The following TGFB3 variants were observed in gnomAD, a reference collection of about 807,000 sequenced individuals.
The protein encoded by TGFB3 is transforming growth factor beta-3 proprotein.
TGFB3 carries 5 observed loss-of-function variants against 40.1 expected under a neutral mutation model. The observed-to-expected ratio is 0.12, with a 90% CI of 0.07 to 0.26. The LOEUF is 0.26. Among genes scored for constraint, TGFB3 ranks in the 10% least tolerant of loss-of-function variants. The pLI is 1.00. For missense variants in TGFB3, 373 were observed against 530.1 expected, an observed-to-expected ratio of 0.70 and a Z score of 2.91; for synonymous variants, 184 against 205.6, an observed-to-expected ratio of 0.89 and a Z score of 0.90.
chr14:75,968,594 A>C (rs895977683), intron 3 of TGFB3, among the ~76,000 whole-genome samples: 1 of 152,172 alleles, frequency 6.6e-6, no homozygotes, highest in Non-Finnish European at 1.5e-5. Context: ...AAGTTAAGAG[A>C]TTAATTTCCC....
At position 75,979,678 on chromosome 14, in the gene TGFB3, G is replaced by A. The variant is rs182386003; in HGVS notation, c.352+864C>T. ...CCATGCAGACAGAGCCTCCTGGGAC[G>A]GCAGGCTCCCAGACATATCCCCCCC... On this transcript the variant is annotated intron_variant, in intron 1 of 6. Transcript: ENST00000238682. This position sits in a 1 kb window ranked among gnomAD's most constrained non-coding sequence, Gnocchi z 4.8. Among the ~76,000 whole-genome samples, 1,625 of 151,652 alleles carry A rather than the reference G, an allele frequency of 0.011. 24 individuals carry two copies. The highest frequency in any genetic ancestry group is 0.018 in the Non-Finnish European group (1,190 of 67,810).
At chr14:75,970,018 TA>T (rs1478232504) in intron 3 of TGFB3, among the ~76,000 whole-genome samples, 2 of 152,194 alleles carry the variant, frequency 1.3e-5, no homozygotes, top group African/African-American at 4.8e-5. Context: ...AGGGATCTTT[TA>T]AAGATGTCAA....
intron 6 of TGFB3, among the ~76,000 whole-genome samples, chr14:75,959,680 A>C (rs1225712748): frequency 6.6e-6 from 1 of 151,802 alleles, no homozygotes; most frequent in African/African-American, 2.4e-5. Flanking sequence ...CTGAGGTGGG[A>C]GGATCACCTG....
In TGFB3 at chr14:75,978,008, TC is replaced by T. The variant is rs2035375468; in HGVS notation, c.352+2533del. ...GAAAAGGTTATTTAGGAAAAGGCCTTCCTCTCTGCTCTCACCTTGGTGCCCT... is the reference window on the plus strand; with the variant it reads ...GAAAAGGTTATTTAGGAAAAGGCCTTCTCTCTGCTCTCACCTTGGTGCCCT... On this transcript the variant is annotated intron_variant, in intron 1 of 6. Transcript: ENST00000238682. This position sits in a 1 kb window ranked among gnomAD's most constrained non-coding sequence, Gnocchi z 5.0. Among the ~76,000 whole-genome samples the T allele has an allele frequency of 6.6e-6, 1 of 152,060 alleles. No individual in the cohort carries two copies. Among genetic ancestry groups the T allele is most frequent in the Non-Finnish European group, 1.5e-5 (1 of 68,012 alleles).
rs1167985592 is a variant in TGFB3 at position 75,958,893 on chromosome 14, T to C, written c.*294A>G. The C allele has an allele frequency of 2.4e-6, 1 of 410,006 alleles. No individual in the cohort carries two copies. Among genetic ancestry groups the C allele is most frequent in the Non-Finnish European group, 4.6e-6 (1 of 216,598 alleles). 25.4% of individuals were successfully genotyped at this position (410,006 alleles called of 1,614,324 possible). A position where few individuals can be genotyped will look rare whatever the true frequency, so the allele number is the denominator to read the frequency against. ...TCCCATTGCCACACAACATCTCAAC[T>C]TACCATCCCTTTCCTCTATCCCCAT... On this transcript the variant is annotated 3_prime_UTR_variant, in exon 7 of 7. Coordinates refer to ENST00000238682, the MANE Select transcript of TGFB3 (RefSeq NM_003239.5).
In TGFB3 at chr14:75,979,545, TTC is replaced by T. The variant is rs939630596; in HGVS notation, c.352+995_352+996del. ...GTCAGTTTCTCAACATCTGCCAAATTTCTCTCTCTTGTATTGAGGTTTTTAAA... is the reference window on the plus strand; with the variant it reads ...GTCAGTTTCTCAACATCTGCCAAATTTCTCTCTTGTATTGAGGTTTTTAAA... On this transcript the variant is annotated intron_variant, in intron 1 of 6. Transcript: ENST00000238682. This position sits in a 1 kb window ranked among gnomAD's most constrained non-coding sequence, Gnocchi z 4.8. Among the ~76,000 whole-genome samples, 16 of 152,168 alleles carry T rather than the reference TTC, an allele frequency of 1.1e-4. No homozygotes were observed. Among genetic ancestry groups the T allele is most frequent in the Non-Finnish European group, 2.1e-4 (14 of 68,030 alleles).
rs144019881 is a variant in TGFB3, at chr14:75,979,035, T to C, written c.352+1507A>G. 6.6e-6 allele frequency among the ~76,000 whole-genome samples: 1 copy of C among 152,300 alleles called. No homozygotes were observed. The highest frequency in any genetic ancestry group is 1.5e-5 in the Non-Finnish European group (1 of 68,006). On this transcript the variant is annotated intron_variant, in intron 1 of 6. Transcript: ENST00000238682. This position sits in a 1 kb window ranked among gnomAD's most constrained non-coding sequence, Gnocchi z 4.8. ...TGGCCATCGAGCTGCTAGGTGCCTCTGGGAACTGTGGGTCTCTGAGCCAGC... is the reference window on the plus strand; with the variant it reads ...TGGCCATCGAGCTGCTAGGTGCCTCCGGGAACTGTGGGTCTCTGAGCCAGC...
rs3917166 is a variant in TGFB3, at chr14:75,975,967, T to C, written c.353-4249A>G. The stretch of plus-strand genomic sequence containing the variant: ...ATTAAATCTTGAGCAACTTTTTCCA[T>C]TGCACAGAAAAAATATATATTGGTG... On this transcript the variant is annotated intron_variant, in intron 1 of 6. Coordinates refer to ENST00000238682, the MANE Select transcript of TGFB3 (RefSeq NM_003239.5). Among the ~76,000 whole-genome samples the C allele has an allele frequency of 1.1e-3, 163 of 152,348 alleles. 3 individuals carry two copies. In the South Asian group the frequency reaches 0.02, roughly 19 times the overall value.
chr14:75,978,695 C>T lies in TGFB3; in HGVS notation c.352+1847G>A, dbSNP rs932295938. On this transcript the variant is annotated intron_variant, in intron 1 of 6. Transcript: ENST00000238682. The surrounding 1 kb of genome is among the most constrained non-coding windows in gnomAD (Gnocchi z 5.0). ...TGCCCAGCATCTATGGGGCCCTGCC[C>T]GGGCTTTTCCCAAGGACATCTGCTA... Among the ~76,000 whole-genome samples, 16 of 152,354 alleles carry T rather than the reference C, an allele frequency of 1.1e-4. 2 individuals carry two copies. In the Middle Eastern group the frequency reaches 0.024, roughly 227 times the overall value.
chr14:75,969,509 A>G (rs1285410512), intron 3 of TGFB3, among the ~76,000 whole-genome samples: 1 of 152,224 alleles, frequency 6.6e-6, no homozygotes, highest in African/African-American at 2.4e-5. Context: ...TAAAATAAGA[A>G]AAGCTTACTC....
chr14:75,969,778 A>T (rs552007425), intron 3 of TGFB3, among the ~76,000 whole-genome samples: 17 of 152,136 alleles, frequency 1.1e-4, no homozygotes, highest in Non-Finnish European at 2.2e-4. Flanking sequence ...AAGTGATACC[A>T]CCTGGATGTC....
Position 75,971,375 on chromosome 14 carries a change from C to G in TGFB3, c.517-120G>C. 1 of 1,540,812 alleles carries G rather than the reference C, an allele frequency of 6.5e-7. No homozygotes were observed. Among genetic ancestry groups the G allele is most frequent in the African/African-American group, 1.4e-5 (1 of 73,394 alleles). On this transcript the variant is annotated intron_variant, in intron 2 of 6. Transcript: ENST00000238682. The surrounding 1 kb of genome is among the most constrained non-coding windows in gnomAD (Gnocchi z 4.5). ...ACCAGTGGTTCCTGAATGCCATGGCCCTCGAGCACCTTAGCTAACTCTTAA... is the reference window on the plus strand; with the variant it reads ...ACCAGTGGTTCCTGAATGCCATGGCGCTCGAGCACCTTAGCTAACTCTTAA...
intron 3 of TGFB3, among the ~76,000 whole-genome samples, chr14:75,970,455 G>A (rs1485776226): frequency 6.6e-6 from 1 of 151,926 alleles, no homozygotes; most frequent in Non-Finnish European, 1.5e-5. Context: ...AGCTATTCAG[G>A]AGACTGAGAC....
In TGFB3 at chr14:75,963,483, C is replaced by T; in HGVS notation, c.759G>A (p.Val253=). 1 of 1,614,130 alleles carries T rather than the reference C, an allele frequency of 6.2e-7. No individual in the cohort carries two copies. Among genetic ancestry groups the T allele is most frequent in the Non-Finnish European group, 8.5e-7 (1 of 1,180,026 alleles). The change falls in exon 5 of 7, where the codon GTG becomes GTA. Residue 253 remains valine (V), a synonymous_variant. Transcript: ENST00000238682. ...CACGGCCATGGTCATCCTCATTGTC[C>T]ACGCCTGAAGAAGGGAAGGAAAGTG... ...HEVMEIKFKG[V]DNEDDHGRGD...
At position 75,971,790 on chromosome 14, in the gene TGFB3, G is replaced by A. The variant is rs2035297541; in HGVS notation, c.353-72C>T. ...AGGAACAGTGTGCTGCCAACGGACA[G>A]GCACCAAGTGGCCACCGTCCCGCCT... On this transcript the variant is annotated intron_variant, in intron 1 of 6. Coordinates refer to ENST00000238682, the MANE Select transcript of TGFB3 (RefSeq NM_003239.5). The surrounding 1 kb of genome is among the most constrained non-coding windows in gnomAD (Gnocchi z 4.5). 1 of 1,564,936 alleles carries A rather than the reference G, an allele frequency of 6.4e-7. No homozygotes were observed. The highest frequency in any genetic ancestry group is 8.7e-7 in the Non-Finnish European group (1 of 1,143,428).
Position 75,979,609 on chromosome 14 carries a change from TA to T in TGFB3, c.352+932del, listed in dbSNP as rs1272803677. On this transcript the variant is annotated intron_variant, in intron 1 of 6. Coordinates refer to ENST00000238682, the MANE Select transcript of TGFB3 (RefSeq NM_003239.5). The surrounding 1 kb of genome is among the most constrained non-coding windows in gnomAD (Gnocchi z 4.8). The stretch of plus-strand genomic sequence containing the variant: ...TAAACACATATGACTTCCACACGTG[TA>T]CCAACACACACAGACATCTCGCCCA... Among the ~76,000 whole-genome samples the T allele has an allele frequency of 8.6e-5, 13 of 151,738 alleles. No individual in the cohort carries two copies. The highest frequency in any genetic ancestry group is 3.1e-4 in the African/African-American group (13 of 41,318).
rs2140253921 is a variant in TGFB3 at position 75,980,399 on chromosome 14, G to A, written c.352+143C>T. ...CACCCACCTCCCCAGCCCCAACGGA[G>A]GAGCATCGCACATCCTGAGCCTTGG... On this transcript the variant is annotated intron_variant, in intron 1 of 6. Coordinates refer to ENST00000238682, the MANE Select transcript of TGFB3 (RefSeq NM_003239.5). This position sits in a 1 kb window ranked among gnomAD's most constrained non-coding sequence, Gnocchi z 4.3. 2 of 877,016 alleles carry A rather than the reference G, an allele frequency of 2.3e-6. No homozygotes were observed. Among genetic ancestry groups the A allele is most frequent in the Middle Eastern group, 2.2e-4 (1 of 4,458 alleles). The allele number at this position is 877,016 out of a possible 1,614,324, so 54.3% of individuals were successfully genotyped here.
At chr14:75,982,795 C>G (rs1427207547), upstream of TGFB3, 1 of 152,532 alleles carries the variant, frequency 6.6e-6, no homozygotes, top group African/African-American at 2.4e-5. This position sits in a 1 kb window ranked among gnomAD's most constrained non-coding sequence, Gnocchi z 4.0. Flanking sequence ...GAGCGCACCT[C>G]TCCCTCCCCG....
At chr14:75,969,776 C>T (rs2035266083) in intron 3 of TGFB3, among the ~76,000 whole-genome samples, 3 of 152,194 alleles carry the variant, frequency 2.0e-5, no homozygotes. Context: ...ATAAGTGATA[C>T]CACCTGGATG....
Sources: allele counts gnomAD v4.1 joint callset (sites outside exome capture counted in the v4.1 genomes callset), GRCh38; gene constraint gnomAD v4.1.1; non-coding constraint Gnocchi (gnomAD v3.1); transcripts MANE v1.5; gene names NCBI Gene and HGNC (gene_info 2026-07-23, HGNC 2026-07-21).